NKAIN2: variants seen among roughly 807,000 people sequenced by gnomAD.
NKAIN2 encodes the protein sodium/potassium-transporting ATPase subunit beta-1-interacting protein 2.
A neutral mutation model predicts 32.6 loss-of-function variants in NKAIN2; 14 were observed. The ratio of observed to expected loss-of-function variants is 0.43; its 90% CI spans 0.28 to 0.67. The LOEUF is 0.67. Ranked by LOEUF, NKAIN2 falls within the 30% of genes least tolerant of loss-of-function variation. The pLI is 0.17. For synonymous variants in NKAIN2, 80 were observed against 87.2 expected, an observed-to-expected ratio of 0.92 and a Z score of 0.46; for missense variants, 198 against 258.3, an observed-to-expected ratio of 0.77 and a Z score of 1.60.
At chr6:124,574,435 T>G (rs1368411236) in intron 3 of NKAIN2, among the ~76,000 whole-genome samples, 1 of 152,014 alleles carries the variant, frequency 6.6e-6, no homozygotes, top group Non-Finnish European at 1.5e-5. Context: ...CTGGCCAACG[T>G]GGCGAAACCC....
intron 2 of NKAIN2, among the ~76,000 whole-genome samples, chr6:124,309,716 G>A (rs1164373206): frequency 1.3e-5 from 2 of 152,082 alleles, no homozygotes; most frequent in Admixed American, 1.3e-4. Context: ...TTGACAATGT[G>A]ATCCTGTAGA....
intron 4 of NKAIN2, among the ~76,000 whole-genome samples, chr6:124,662,459 T>C (rs574201880): frequency 4.6e-5 from 7 of 152,330 alleles, no homozygotes; most frequent in African/African-American, 7.2e-5. Flanking sequence ...TAAAGTCAAG[T>C]TCTCCTTCGG....
chr6:124,069,556 G>A (rs1023039892), intron 1 of NKAIN2, among the ~76,000 whole-genome samples: 14 of 152,158 alleles, frequency 9.2e-5, no homozygotes, highest in Admixed American at 6.6e-5. Flanking sequence ...AGGAGCACAG[G>A]GGGAAGACAG....
At chr6:123,813,763 G>C (rs531131262) in intron 1 of NKAIN2, among the ~76,000 whole-genome samples, 43 of 152,144 alleles carry the variant, frequency 2.8e-4, no homozygotes, top group Non-Finnish European at 5.7e-4. Flanking sequence ...AGTGAGCCAA[G>C]ATCATGCCAC....
chr6:124,352,345 G>T (rs1403764213), intron 2 of NKAIN2, among the ~76,000 whole-genome samples: 3 of 152,098 alleles, frequency 2.0e-5, no homozygotes, highest in African/African-American at 7.2e-5. Flanking sequence ...AAGTATAAAT[G>T]AAGATTCCAA....
At chr6:123,916,758 A>G (rs571896521) in intron 1 of NKAIN2, among the ~76,000 whole-genome samples, 2 of 151,594 alleles carry the variant, frequency 1.3e-5, no homozygotes, top group African/African-American at 2.4e-5. Context: ...GTGTATCTCT[A>G]TGTATCTATC....
rs535819471 is a variant in NKAIN2, at chr6:124,166,414, T to C, written c.55-116591T>C. On this transcript the variant is annotated intron_variant, in intron 1 of 6. Coordinates refer to ENST00000368417, the MANE Select transcript of NKAIN2 (RefSeq NM_001040214.3). ...TGGAGTTCATTGTAGATTCTAGATA[T>C]TAGCCCTTTGTCAGATGAGTAGGTT... 6.6e-5 allele frequency among the ~76,000 whole-genome samples: 10 copies of C among 152,272 alleles called. No individual in the cohort carries two copies. In the East Asian group the frequency reaches 1.5e-3, roughly 24 times the overall value.
chr6:124,305,570 A>T (rs1796473264), intron 2 of NKAIN2, among the ~76,000 whole-genome samples: 1 of 152,116 alleles, frequency 6.6e-6, no homozygotes, highest in African/African-American at 2.4e-5. Context: ...ACCCAAATGG[A>T]GATGTTCAAA....
chr6:123,953,818 A>G (rs1245228851), intron 1 of NKAIN2, among the ~76,000 whole-genome samples: 4 of 152,122 alleles, frequency 2.6e-5, no homozygotes, highest in African/African-American at 7.2e-5. Context: ...CTCAGGTAGG[A>G]GCAGCAGCGA....
chr6:123,816,985 A>C (rs1478480744), intron 1 of NKAIN2, among the ~76,000 whole-genome samples: 1 of 152,206 alleles, frequency 6.6e-6, no homozygotes, highest in East Asian at 1.9e-4. Flanking sequence ...TAAGAGGAAC[A>C]CAGTGAGGAG....
chr6:124,221,826 A>G (rs796101138), intron 1 of NKAIN2, among the ~76,000 whole-genome samples: 6 of 152,302 alleles, frequency 3.9e-5, no homozygotes, highest in African/African-American at 1.2e-4. Context: ...AAATGCCACT[A>G]TACTTATTTA....
At chr6:124,363,245 A>G (rs146437612) in intron 3 of NKAIN2, among the ~76,000 whole-genome samples, 2,273 of 152,276 alleles carry the variant, frequency 0.015, 33 homozygotes, top group Non-Finnish European at 0.023. Flanking sequence ...TATATTGTAA[A>G]CTTTAGATAC....
At chr6:123,984,530 G>T (rs983640131) in intron 1 of NKAIN2, among the ~76,000 whole-genome samples, 12 of 151,992 alleles carry the variant, frequency 7.9e-5, no homozygotes, top group Non-Finnish European at 1.5e-5. Flanking sequence ...AAAGAAAAAA[G>T]ATATAGAACC....
intron 1 of NKAIN2, among the ~76,000 whole-genome samples, chr6:124,116,564 A>C (rs1215209471): frequency 1.3e-5 from 2 of 152,136 alleles, no homozygotes. Context: ...TGGATGCAAT[A>C]ATACTGCTGA....
intron 3 of NKAIN2, among the ~76,000 whole-genome samples, chr6:124,418,214 G>A (rs1454700951): frequency 6.6e-6 from 1 of 151,872 alleles, no homozygotes; most frequent in Non-Finnish European, 1.5e-5. Flanking sequence ...TGTGTTCCAT[G>A]TAACTCAGGG....
intron 1 of NKAIN2, among the ~76,000 whole-genome samples, chr6:123,899,248 C>T (rs189628496): frequency 5.6e-4 from 85 of 152,342 alleles, no homozygotes; most frequent in African/African-American, 1.9e-3. Flanking sequence ...CTCAGAGGCT[C>T]ACACTTGAGC....
chr6:123,878,435 T>C (rs761124396), intron 1 of NKAIN2, among the ~76,000 whole-genome samples: 1 of 152,200 alleles, frequency 6.6e-6, no homozygotes, highest in Non-Finnish European at 1.5e-5. Flanking sequence ...TCAAGACCTG[T>C]CATTGTCAAC....
chr6:124,478,542 A>G (rs1777322200), intron 3 of NKAIN2, among the ~76,000 whole-genome samples: 1 of 152,232 alleles, frequency 6.6e-6, no homozygotes, highest in Non-Finnish European at 1.5e-5. Context: ...AGATGGGGGT[A>G]TGTCAAAGGG....
At chr6:124,388,008 A>G (rs1216700366) in intron 3 of NKAIN2, among the ~76,000 whole-genome samples, 2 of 152,072 alleles carry the variant, frequency 1.3e-5, no homozygotes, top group Non-Finnish European at 2.9e-5. Flanking sequence ...ACTATCATGT[A>G]GTGAATAAAG....
Sources: gnomAD v4.1 joint callset for allele counts (sites outside exome capture counted in the v4.1 genomes callset) on GRCh38, gnomAD v4.1.1 for gene constraint, MANE v1.5 for transcripts, NCBI Gene and HGNC (gene_info 2026-07-23, HGNC 2026-07-21) for gene names.